MOSPD2: variants seen among roughly 807,000 people sequenced by gnomAD.
MOSPD2 encodes motile sperm domain containing 2.
Under a neutral mutation model 41.7 loss-of-function variants are expected in MOSPD2, and 5 were observed. The ratio of observed to expected loss-of-function variants is 0.12; its 90% CI spans 0.06 to 0.25. The LOEUF (loss-of-function observed/expected upper bound fraction) is 0.25. Among genes scored for constraint, MOSPD2 ranks in the 10% least tolerant of loss-of-function variants. The pLI is 1.00. For missense variants in MOSPD2, 282 were observed against 375.2 expected (o/e 0.75, Z 2.05); for synonymous variants, 115 against 126.9 (o/e 0.91, Z 0.63).
intron 13 of MOSPD2, among the ~76,000 whole-genome samples, chrX:14,918,388 C>T (rs997509015): frequency 1.8e-5 from 2 of 111,512 alleles, no homozygotes; most frequent in African/African-American, 6.5e-5. Context: ...GGGTGATTTC[C>T]TTCAAATCAT....
intron 2 of MOSPD2, among the ~76,000 whole-genome samples, chrX:14,889,369 T>C (rs988549611): frequency 8.9e-6 from 1 of 112,201 alleles, no homozygotes; most frequent in Non-Finnish European, 1.9e-5. Flanking sequence ...ATTGTGTTGA[T>C]AAAAGCACAA....
intron 8 of MOSPD2, among the ~76,000 whole-genome samples, chrX:14,910,463 G>C (rs1338102016): frequency 9.0e-6 from 1 of 111,547 alleles, no homozygotes; most frequent in Non-Finnish European, 1.9e-5. Context: ...TGTATGGACG[G>C]GTATAACATA....
chrX:14,892,251 A>G (rs1280200101), intron 2 of MOSPD2, among the ~76,000 whole-genome samples: 2 of 111,953 alleles, frequency 1.8e-5, no homozygotes, highest in African/African-American at 6.5e-5. Flanking sequence ...TATGGTGTCA[A>G]TATCTGCTTC....
chrX:14,887,677 A>G (rs2147483461), intron 2 of MOSPD2, among the ~76,000 whole-genome samples: 1 of 109,550 alleles, frequency 9.1e-6, no homozygotes, highest in African/African-American at 3.5e-5. Flanking sequence ...TAAGAGCTAT[A>G]GTTTCTTTAT....
Position 14,920,758 on chromosome X carries a change from G to T in MOSPD2, c.*949G>T. The T allele has an allele frequency of 2.7e-6, 2 of 752,677 alleles. No individual in the cohort carries two copies. The highest frequency in any genetic ancestry group is 3.1e-6 in the Non-Finnish European group (2 of 638,264). The allele number at this position is 752,677 out of a possible 1,213,427, so 62.0% of individuals were successfully genotyped here. A position where few individuals can be genotyped will look rare whatever the true frequency, so the allele number is the denominator to read the frequency against. On this transcript the variant is annotated 3_prime_UTR_variant, in exon 15 of 15. Transcript: ENST00000380492. ...GTATTAGATATAAATTTTTTTGAAA[G>T]GTTAGTTGTTTGAGATGCTAAGCAG...
chrX:14,920,680 A>G lies in MOSPD2; in HGVS notation c.*871A>G, dbSNP rs2092608030. On this transcript the variant is annotated 3_prime_UTR_variant, in exon 15 of 15. Coordinates refer to ENST00000380492, the MANE Select transcript of MOSPD2 (RefSeq NM_152581.4). ...CTTCACCCCCATTCCAGAGCAGAGG[A>G]GTCTCTGTGGACCATGAATTGCACT... 1.3e-6 allele frequency: 1 copy of G among 751,926 alleles called. No homozygotes were observed. The highest frequency in any genetic ancestry group is 1.6e-6 in the Non-Finnish European group (1 of 638,902). 62.0% of individuals were successfully genotyped at this position (751,926 alleles called of 1,213,427 possible).
intron 3 of MOSPD2, among the ~76,000 whole-genome samples, chrX:14,894,716 C>T (rs1390688846): frequency 1.8e-5 from 2 of 110,831 alleles, no homozygotes; most frequent in African/African-American, 6.6e-5. Context: ...GTTGGCCTCC[C>T]AAAGTGCTGG....
intron 2 of MOSPD2, among the ~76,000 whole-genome samples, chrX:14,892,161 A>G (rs1250145940): frequency 9.0e-6 from 1 of 111,552 alleles, no homozygotes; most frequent in Admixed American, 9.6e-5. Context: ...TTGTGTTGCT[A>G]TAAAGGAATA....
chrX:14,918,238 G>GT (rs1215870424), intron 13 of MOSPD2, among the ~76,000 whole-genome samples: 1 of 111,337 alleles, frequency 9.0e-6, no homozygotes, highest in Non-Finnish European at 1.9e-5. Context: ...TGTTTTCTTT[G>GT]TTTTTTGCTT....
Position 14,920,334 on chromosome X carries a change from T to G in MOSPD2, c.*525T>G. 1 of 753,432 alleles carries G rather than the reference T, an allele frequency of 1.3e-6. No individual in the cohort carries two copies. The highest frequency in any genetic ancestry group is 1.6e-6 in the Non-Finnish European group (1 of 638,219). 62.1% of individuals were successfully genotyped at this position (753,432 alleles called of 1,213,427 possible). ...AACCATGACTTTGTAATTTTGAGAA[T>G]TCCTCCCAGTGATGGTCAGTATTCT... On this transcript the variant is annotated 3_prime_UTR_variant, in exon 15 of 15. Coordinates refer to ENST00000380492, the MANE Select transcript of MOSPD2 (RefSeq NM_152581.4).
chrX:14,880,543 C>G (rs983500300), intron 2 of MOSPD2, among the ~76,000 whole-genome samples: 1 of 111,692 alleles, frequency 9.0e-6, no homozygotes, highest in Non-Finnish European at 1.9e-5. Context: ...GCCTACTTAT[C>G]TTATTCCTAA....
intron 4 of MOSPD2, among the ~76,000 whole-genome samples, chrX:14,896,304 C>T (rs1413957405): frequency 2.7e-5 from 3 of 111,181 alleles, no homozygotes; most frequent in Admixed American, 1.9e-4. Context: ...CACTACTGAA[C>T]ATCCATGCCT....
intron 12 of MOSPD2, 141 bp from the exon 13 acceptor site, chrX:14,916,056 G>T (rs2092599775): frequency 7.0e-6 from 7 of 1,004,697 alleles, no homozygotes; most frequent in Non-Finnish European, 9.5e-6. Flanking sequence ...CTCACTTTTA[G>T]AACTTTTTCC....
chrX:14,878,919 A>G lies in MOSPD2; in HGVS notation c.79+5161A>G, dbSNP rs1269654550. 4.5e-5 allele frequency among the ~76,000 whole-genome samples: 5 copies of G among 111,988 alleles called. No individual in the cohort carries two copies. In the South Asian group the frequency reaches 1.1e-3, roughly 25 times the overall value. Reference sequence around the variant, plus strand: ...AAGAACTAGAGCCTCCCAGTACCTTAGAAGCCTCCTGTATATACCCATGCC... The same window carrying G: ...AAGAACTAGAGCCTCCCAGTACCTTGGAAGCCTCCTGTATATACCCATGCC... On this transcript the variant is annotated intron_variant, in intron 2 of 14. Transcript: ENST00000380492.
In MOSPD2 at chrX:14,873,446, G is replaced by T; in HGVS notation, c.-83G>T. 9 of 1,185,594 alleles carry T rather than the reference G, an allele frequency of 7.6e-6. No homozygotes were observed. The highest frequency in any genetic ancestry group is 6.9e-6 in the Non-Finnish European group (6 of 872,290). On this transcript the variant is annotated 5_prime_UTR_variant, in exon 1 of 15. Coordinates refer to ENST00000380492, the MANE Select transcript of MOSPD2 (RefSeq NM_152581.4). ...ACCCTTCTCTGTCTACCTCTGGGCGGGACTGCCGGGTGATGAGATACTCGG... is the reference window on the plus strand; with the variant it reads ...ACCCTTCTCTGTCTACCTCTGGGCGTGACTGCCGGGTGATGAGATACTCGG...
chrX:14,887,705 A>ATTTTATTT (rs1292797123), intron 2 of MOSPD2, among the ~76,000 whole-genome samples: 1 of 111,943 alleles, frequency 8.9e-6, no homozygotes, highest in African/African-American at 3.2e-5. Flanking sequence ...TTTTTAAAAA[A>ATTTTATTT]TTTTATTTTT....
At chrX:14,891,100 C>G (rs1242927717) in intron 2 of MOSPD2, among the ~76,000 whole-genome samples, 1 of 112,083 alleles carries the variant, frequency 8.9e-6, no homozygotes, top group African/African-American at 3.2e-5. Context: ...GTCTTCCGTG[C>G]TAGTAACTGT....
rs370076187 is a variant in MOSPD2 at position 14,887,538 on chromosome X, G to A, written c.80-5185G>A. Among the ~76,000 whole-genome samples, 12 of 111,180 alleles carry A rather than the reference G, an allele frequency of 1.1e-4. No individual in the cohort carries two copies. In the East Asian group the frequency reaches 2.5e-3, roughly 23 times the overall value. On this transcript the variant is annotated intron_variant, in intron 2 of 14. Coordinates refer to ENST00000380492, the MANE Select transcript of MOSPD2 (RefSeq NM_152581.4). ...AGTCCATCATTCTACTCTATATCCT[G>A]AATGTGGCCAGAAATTTTCTCACAT...
chrX:14,900,681 T>A, intron 6 of MOSPD2, 46 bp downstream of exon 6: 1 of 681,181 alleles, frequency 1.5e-6, no homozygotes, highest in Non-Finnish European at 2.2e-6. Context: ...ATTGAAACTG[T>A]AGACAATGTC....
Sources: gnomAD v4.1 joint callset for allele counts (sites outside exome capture counted in the v4.1 genomes callset) on GRCh38, gnomAD v4.1.1 for gene constraint, MANE v1.5 for transcripts, NCBI Gene and HGNC (gene_info 2026-07-23, HGNC 2026-07-21) for gene names.